Variants in ESRRB observed in about 807,000 individuals in gnomAD.
ESRRB encodes steroid hormone receptor ERR2.
ESRRB carries 16 observed loss-of-function variants against 46.0 expected under a neutral mutation model. That is an observed-to-expected ratio of 0.35 (90% confidence interval 0.24 to 0.53). The LOEUF (loss-of-function observed/expected upper bound fraction) is 0.53. Among genes scored for constraint, ESRRB ranks in the 20% least tolerant of loss-of-function variants. ESRRB has a pLI of 0.93. For missense variants in ESRRB, 488 were observed against 607.4 expected, an observed-to-expected ratio of 0.80 and a Z score of 2.07; for synonymous variants, 246 against 259.6, an observed-to-expected ratio of 0.95 and a Z score of 0.50.
At chr14:76,393,889 C>T (rs1375803061) in intron 1 of ESRRB, among the ~76,000 whole-genome samples, 3 of 152,164 alleles carry the variant, frequency 2.0e-5, no homozygotes, top group African/African-American at 7.2e-5. Flanking sequence ...CAAACTTCAC[C>T]TCCCAGGTTC....
At chr14:76,416,393 G>T (rs1667196612) in intron 1 of ESRRB, among the ~76,000 whole-genome samples, 1 of 151,884 alleles carries the variant, frequency 6.6e-6, no homozygotes, top group Non-Finnish European at 1.5e-5. Flanking sequence ...CAAAGTGCTG[G>T]GATTACAGGC....
At chr14:76,457,448 G>T (rs1329904743) in intron 2 of ESRRB, among the ~76,000 whole-genome samples, 2 of 131,866 alleles carry the variant, frequency 1.5e-5, no homozygotes, top group Non-Finnish European at 3.3e-5. Context: ...CTTGTAGCAG[G>T]ATGAGTTTTT....
At chr14:76,376,069 T>G (rs1884751903), upstream of ESRRB, 1 of 139,956 alleles carries the variant, frequency 7.1e-6, no homozygotes, top group South Asian at 2.5e-4. This position sits in a 1 kb window ranked among gnomAD's most constrained non-coding sequence, Gnocchi z 4.1. Context: ...CCCTGAGAGA[T>G]AGCCAATAGG....
intron 1 of ESRRB, among the ~76,000 whole-genome samples, chr14:76,364,678 C>T (rs992134208): frequency 9.0e-5 from 13 of 144,642 alleles, no homozygotes; most frequent in Non-Finnish European, 1.1e-4. Context: ...GGCAACAGAG[C>T]GAGATCCTGT....
chr14:76,491,988 G>A (rs759760734), intron 6 of ESRRB, among the ~76,000 whole-genome samples: 5 of 152,200 alleles, frequency 3.3e-5, no homozygotes, highest in Non-Finnish European at 5.9e-5. Flanking sequence ...ACATTGCTAA[G>A]GAGCAAATCC....
intron 1 of ESRRB, among the ~76,000 whole-genome samples, chr14:76,357,944 G>A (rs1884402901): frequency 6.6e-6 from 1 of 152,130 alleles, no homozygotes; most frequent in African/African-American, 2.4e-5. Flanking sequence ...AATAATTTTG[G>A]TGTAAGTGAG....
chr14:76,454,567 TC>T (rs1387850259), intron 2 of ESRRB, among the ~76,000 whole-genome samples: 1 of 152,068 alleles, frequency 6.6e-6, no homozygotes, highest in African/African-American at 2.4e-5. Context: ...ATGAGGAGTT[TC>T]AGGTAGAGGG....
chr14:76,472,272 C>T (rs1889402751), intron 3 of ESRRB, among the ~76,000 whole-genome samples: 1 of 152,166 alleles, frequency 6.6e-6, no homozygotes, highest in African/African-American at 2.4e-5. Context: ...AGGCGTAACA[C>T]AGTTTTGTCA....
intron 1 of ESRRB, among the ~76,000 whole-genome samples, chr14:76,422,557 T>C (rs968106737): frequency 2.0e-5 from 3 of 152,128 alleles, no homozygotes; most frequent in Non-Finnish European, 4.4e-5. Flanking sequence ...GACTGAGAAC[T>C]ATGTGGGTAG....
Position 76,316,436 on chromosome 14 carries a change from C to CGT in ESRRB, c.2+5520_2+5521insGT, listed in dbSNP as rs1311441190. ...CCTGCTCCTAGCAGTTGGTAGTAGT[C>CGT]ATAGTAGTAGTACAATTAGTAGTAG... On this transcript the variant is annotated intron_variant, in intron 1 of 6. Coordinates refer to the ESRRB transcript ENST00000512784. 1.4e-4 allele frequency among the ~76,000 whole-genome samples: 21 copies of CGT among 151,090 alleles called. 1 individual carries two copies. Among genetic ancestry groups the CGT allele is most frequent in the Admixed American group, 1.3e-3 (20 of 15,026 alleles).
intron 1 of ESRRB, among the ~76,000 whole-genome samples, chr14:76,408,565 C>G (rs549470043): frequency 5.9e-4 from 81 of 137,770 alleles, no homozygotes; most frequent in Admixed American, 1.7e-3. Context: ...GCACTCCAGC[C>G]TGGGTGACAG....
intron 1 of ESRRB, among the ~76,000 whole-genome samples, chr14:76,400,918 T>A (rs999283126): frequency 1.3e-5 from 2 of 152,208 alleles, no homozygotes; most frequent in Non-Finnish European, 2.9e-5. Flanking sequence ...CTTCGCTGGT[T>A]TAAGCAGCAC....
At chr14:76,437,915 A>G (rs1815637036) in intron 1 of ESRRB, among the ~76,000 whole-genome samples, 1 of 152,018 alleles carries the variant, frequency 6.6e-6, no homozygotes. Flanking sequence ...TTTACAGGAA[A>G]CATTCTGTTA....
At chr14:76,455,825 C>T (rs1888581556) in intron 2 of ESRRB, among the ~76,000 whole-genome samples, 1 of 152,022 alleles carries the variant, frequency 6.6e-6, no homozygotes, top group African/African-American at 2.4e-5. Context: ...GGGTGGATCA[C>T]CTGAAGTCAG....
chr14:76,315,538 G>T (rs917957048), intron 1 of ESRRB, among the ~76,000 whole-genome samples: 2 of 152,158 alleles, frequency 1.3e-5, no homozygotes, highest in East Asian at 3.9e-4. Flanking sequence ...TGCAAAATGG[G>T]GATAACAATA....
At chr14:76,367,369 A>G (rs1164789338), upstream of ESRRB, among the ~76,000 whole-genome samples, 1 of 152,126 alleles carries the variant, frequency 6.6e-6, no homozygotes, top group Non-Finnish European at 1.5e-5. Context: ...ACCCTGGGCA[A>G]CATAGTGAGA....
rs1227959079 is a variant in ESRRB at position 76,376,460 on chromosome 14, C to T, written c.50+9C>T. The T allele has an allele frequency of 2.1e-5, 26 of 1,231,524 alleles. 1 individual carries two copies. Among genetic ancestry groups the T allele is most frequent in the Non-Finnish European group, 1.8e-5 (18 of 987,878 alleles). 76.3% of individuals were successfully genotyped at this position (1,231,524 alleles called of 1,614,324 possible). A position where few individuals can be genotyped will look rare whatever the true frequency, so the allele number is the denominator to read the frequency against. ...CTCGGCTACCACAACCAGTAGGTGCCCTGCTTCTCGGTCTGTCTGTCCTTC... is the reference window on the plus strand; with the variant it reads ...CTCGGCTACCACAACCAGTAGGTGCTCTGCTTCTCGGTCTGTCTGTCCTTC... On this transcript the variant is annotated intron_variant, in intron 1 of 6. Transcript: ENST00000644823. The surrounding 1 kb of genome is among the most constrained non-coding windows in gnomAD (Gnocchi z 4.1).
intron 1 of ESRRB, among the ~76,000 whole-genome samples, chr14:76,433,410 CAG>C (rs1276889833): frequency 6.6e-6 from 1 of 152,138 alleles, no homozygotes; most frequent in African/African-American, 2.4e-5. Context: ...CGAGATTGCT[CAG>C]GGCCAACTGG....
intron 1 of ESRRB, among the ~76,000 whole-genome samples, chr14:76,407,825 G>A (rs1294675331): frequency 2.0e-5 from 3 of 152,220 alleles, no homozygotes; most frequent in Non-Finnish European, 4.4e-5. Flanking sequence ...CGTGGAGGGA[G>A]GCAGCTAGCT....
Sources: gnomAD v4.1 joint callset for allele counts (sites outside exome capture counted in the v4.1 genomes callset) on GRCh38, gnomAD v4.1.1 for gene constraint, Gnocchi (gnomAD v3.1) non-coding constraint, MANE v1.5 for transcripts, NCBI Gene and HGNC (gene_info 2026-07-23, HGNC 2026-07-21) for gene names.